POPDC1: variants seen among roughly 807,000 people sequenced by gnomAD.
The protein encoded by POPDC1 is popeye domain-containing protein 1.
the POPDC1 span, among the ~76,000 whole-genome samples, chr6:105,108,232 CAGG>C: frequency 6.6e-6 from 1 of 152,100 alleles, no homozygotes; most frequent in Non-Finnish European, 1.5e-5. Context: ...TGAATGAACC[CAGG>C]AGAAGAGTGA....
chr6:105,117,415 G>C, the POPDC1 span, among the ~76,000 whole-genome samples: 1 of 152,186 alleles, frequency 6.6e-6, no homozygotes, highest in Admixed American at 6.5e-5. Context: ...TTTCTCGAGT[G>C]TCACATTTCA....
chr6:105,129,434 A>G, the POPDC1 span: 7 of 1,612,708 alleles, frequency 4.3e-6, no homozygotes, highest in African/African-American at 9.3e-5. Flanking sequence ...ACCCAAGAAC[A>G]CAGAGTTCCA....
chr6:105,130,557 T>A, the POPDC1 span, among the ~76,000 whole-genome samples: 688 of 152,296 alleles, frequency 4.5e-3, 8 homozygotes, highest in African/African-American at 0.016. Context: ...GTCAGTATAG[T>A]CATGTGTCAC....
the POPDC1 span, among the ~76,000 whole-genome samples, chr6:105,107,284 C>T: frequency 6.6e-6 from 1 of 152,158 alleles, no homozygotes; most frequent in Non-Finnish European, 1.5e-5. Context: ...AACCAGGGAG[C>T]TCTTACATGA....
the POPDC1 span, chr6:105,133,375 A>G: frequency 6.2e-7 from 1 of 1,613,298 alleles, no homozygotes; most frequent in African/African-American, 1.3e-5. Context: ...TCCCCTAAGA[A>G]ATATCATATG....
At chr6:105,117,342 A>G in the POPDC1 span, among the ~76,000 whole-genome samples, 15 of 150,814 alleles carry the variant, frequency 9.9e-5, no homozygotes, top group African/African-American at 3.4e-4. Context: ...GACTGAGAAA[A>G]CTTCAAGGGC....
the POPDC1 span, chr6:105,137,066 G>C: frequency 6.6e-6 from 1 of 151,978 alleles, no homozygotes; most frequent in East Asian, 1.9e-4. Flanking sequence ...TCAGCTGCTC[G>C]ACGGGAGCCC....
the POPDC1 span, chr6:105,101,340 A>G: frequency 9.6e-7 from 1 of 1,044,496 alleles, no homozygotes; most frequent in Non-Finnish European, 1.3e-6. Flanking sequence ...AGCACCAAGA[A>G]CACAATTTCC....
chr6:105,133,570 T>G, the POPDC1 span: 3 of 1,572,048 alleles, frequency 1.9e-6, no homozygotes, highest in African/African-American at 2.7e-5. Flanking sequence ...GGACTCTGTA[T>G]AATTCATTTT....
At chr6:105,109,763 C>CAAAAA in the POPDC1 span, among the ~76,000 whole-genome samples, 14 of 22,872 alleles carry the variant, frequency 6.1e-4, no homozygotes, top group Admixed American at 1.1e-3. Context: ...GACCCTTTCT[C>CAAAAA]AAAAAAAAAA....
At chr6:105,122,400 C>T in the POPDC1 span, among the ~76,000 whole-genome samples, 2 of 152,208 alleles carry the variant, frequency 1.3e-5, no homozygotes, top group Admixed American at 6.5e-5. Flanking sequence ...CTACCAAAAT[C>T]CAATCCCTAG....
At chr6:105,113,476 G>C in the POPDC1 span, among the ~76,000 whole-genome samples, 17 of 152,206 alleles carry the variant, frequency 1.1e-4, no homozygotes, top group Admixed American at 1.1e-3. Context: ...GTTCTGGCAA[G>C]TGACTTCTGT....
chr6:105,125,655 G>A, the POPDC1 span: 1 of 1,401,930 alleles, frequency 7.1e-7, no homozygotes, highest in Non-Finnish European at 1.0e-6. Context: ...GTCTAAATAT[G>A]GTTTTGATAA....
chr6:105,098,173 GTTT>G, the POPDC1 span: 1 of 152,050 alleles, frequency 6.6e-6, no homozygotes, highest in African/African-American at 2.4e-5. Flanking sequence ...CAGCAAACAT[GTTT>G]TTATCTATGT....
At chr6:105,098,032 T>G in the POPDC1 span, 1 of 152,140 alleles carries the variant, frequency 6.6e-6, no homozygotes, top group Non-Finnish European at 1.5e-5. Context: ...TACAACTGAG[T>G]TGATGTTACA....
At chr6:105,134,924 G>A in the POPDC1 span, among the ~76,000 whole-genome samples, 2 of 152,008 alleles carry the variant, frequency 1.3e-5, no homozygotes, top group African/African-American at 4.8e-5. Context: ...TCAGGATGGC[G>A]GGGGGGAAGA....
At chr6:105,099,025 C>T in the POPDC1 span, 1 of 152,206 alleles carries the variant, frequency 6.6e-6, no homozygotes, top group African/African-American at 2.4e-5. Context: ...CCACCACACC[C>T]AGCTAATTTT....
At chr6:105,113,939 C>T in the POPDC1 span, among the ~76,000 whole-genome samples, 1 of 151,356 alleles carries the variant, frequency 6.6e-6, no homozygotes, top group Non-Finnish European at 1.5e-5. Flanking sequence ...CCCATCCCCC[C>T]CGCCACACAC....
the POPDC1 span, among the ~76,000 whole-genome samples, chr6:105,112,184 A>G: frequency 6.6e-6 from 1 of 152,192 alleles, no homozygotes; most frequent in Non-Finnish European, 1.5e-5. Flanking sequence ...TGCACATTTA[A>G]GAATCTGTTG....
Sources: gnomAD v4.1 joint callset for allele counts (sites outside exome capture counted in the v4.1 genomes callset) on GRCh38, gnomAD v4.1.1 for gene constraint, MANE v1.5 for transcripts, NCBI Gene and HGNC (gene_info 2026-07-23, HGNC 2026-07-21) for gene names.